The following C3orf70 variants were observed in gnomAD, a reference collection of about 807,000 sequenced individuals.
C3orf70 encodes chromosome 3 open reading frame 70.
C3orf70 carries 15 observed loss-of-function variants against 20.7 expected under a neutral mutation model. That is an observed-to-expected ratio of 0.72 (90% CI 0.48 to 1.11). The LOEUF (loss-of-function observed/expected upper bound fraction) is 1.11, where lower values mean the gene tolerates loss of function less well. Ranked by LOEUF, C3orf70 falls within the 50% of genes most tolerant of loss-of-function variation. C3orf70 has a pLI of 0.00. For synonymous variants in C3orf70, 161 were observed against 125.7 expected (o/e 1.28, Z -1.88); for missense variants, 332 against 317.6 (o/e 1.05, Z -0.34).
intron 1 of C3orf70, among the ~76,000 whole-genome samples, chr3:185,090,371 C>G (rs188538667): frequency 6.6e-6 from 1 of 152,158 alleles, no homozygotes; most frequent in Admixed American, 6.5e-5. Flanking sequence ...ATCAGTTGTA[C>G]GCTTTGATTC....
intron 1 of C3orf70, among the ~76,000 whole-genome samples, chr3:185,100,555 G>A (rs2108592320): frequency 6.6e-6 from 1 of 152,010 alleles, no homozygotes; most frequent in Non-Finnish European, 1.5e-5. Context: ...GTGTTAAGAG[G>A]GAAATGTATA....
intron 1 of C3orf70, among the ~76,000 whole-genome samples, chr3:185,139,798 T>C (rs1360108356): frequency 6.6e-6 from 1 of 152,172 alleles, no homozygotes; most frequent in Non-Finnish European, 1.5e-5. Flanking sequence ...TGAATTGTGA[T>C]CTAAGCCACA....
At chr3:185,121,372 AAAG>A (rs1473771210) in intron 1 of C3orf70, among the ~76,000 whole-genome samples, 2 of 152,122 alleles carry the variant, frequency 1.3e-5, no homozygotes, top group African/African-American at 2.4e-5. Flanking sequence ...AAAAAAAAAA[AAAG>A]AAGCATGATT....
intron 1 of C3orf70, among the ~76,000 whole-genome samples, chr3:185,124,601 G>A (rs898078884): frequency 1.3e-5 from 2 of 152,064 alleles, no homozygotes; most frequent in African/African-American, 4.8e-5. Flanking sequence ...GAACATATAG[G>A]AGAAAATCTT....
chr3:185,077,792 G>T lies in C3orf70; in HGVS notation c.*5215C>A, dbSNP rs527723891. Among the ~76,000 whole-genome samples the T allele has an allele frequency of 6.0e-4, 90 of 150,638 alleles. 1 individual carries two copies. Among genetic ancestry groups the T allele is most frequent in the Non-Finnish European group, 7.8e-4 (53 of 67,574 alleles). On this transcript the variant is annotated 3_prime_UTR_variant, in exon 2 of 2. Transcript: ENST00000335012. ...AATAAATGCTATTTGGTGGTGGTGGGGGGGGGGTATCAAGTTTTATTTGCT... is the reference window on the plus strand; with the variant it reads ...AATAAATGCTATTTGGTGGTGGTGGTGGGGGGGTATCAAGTTTTATTTGCT...
At position 185,077,786 on chromosome 3, in the gene C3orf70, T is replaced by TGGGG. The variant is rs757363358; in HGVS notation, c.*5220_*5221insCCCC. Among the ~76,000 whole-genome samples, 4 of 85,088 alleles carry TGGGG rather than the reference T, an allele frequency of 4.7e-5. No individual in the cohort carries two copies. Among genetic ancestry groups the TGGGG allele is most frequent in the African/African-American group, 5.7e-5 (1 of 17,672 alleles). The allele number at this position is 85,088 out of a possible 152,430, so 55.8% of individuals were successfully genotyped here. A position where few individuals can be genotyped will look rare whatever the true frequency, so the allele number is the denominator to read the frequency against. On this transcript the variant is annotated 3_prime_UTR_variant, in exon 2 of 2. Transcript: ENST00000335012. The stretch of plus-strand genomic sequence containing the variant: ...GTGTGAAATAAATGCTATTTGGTGG[T>TGGGG]GGTGGGGGGGGGGTATCAAGTTTTA...
intron 1 of C3orf70, among the ~76,000 whole-genome samples, chr3:185,117,849 C>T (rs1385318031): frequency 1.3e-5 from 2 of 152,170 alleles, no homozygotes; most frequent in African/African-American, 2.4e-5. Flanking sequence ...TACCCAAGAA[C>T]CTACATTTTC....
chr3:185,103,546 C>G (rs924541006), intron 1 of C3orf70, among the ~76,000 whole-genome samples: 1 of 151,698 alleles, frequency 6.6e-6, no homozygotes, highest in African/African-American at 2.4e-5. Flanking sequence ...TGAACAGACA[C>G]TTTTCAAAAG....
intron 1 of C3orf70, among the ~76,000 whole-genome samples, chr3:185,148,959 T>C (rs1716929558): frequency 6.6e-6 from 1 of 152,358 alleles, no homozygotes; most frequent in South Asian, 2.1e-4. Flanking sequence ...ATCAACCACA[T>C]AAAACTGAAC....
chr3:185,143,548 G>C (rs1384219385), intron 1 of C3orf70, among the ~76,000 whole-genome samples: 3 of 152,088 alleles, frequency 2.0e-5, no homozygotes, highest in African/African-American at 7.2e-5. Context: ...TGGCACTCCA[G>C]ATATTACACA....
At chr3:185,120,852 T>C (rs1477003884) in intron 1 of C3orf70, among the ~76,000 whole-genome samples, 4 of 151,776 alleles carry the variant, frequency 2.6e-5, no homozygotes, top group Admixed American at 2.0e-4. Context: ...AGTAGAACTA[T>C]CATTTGATCC....
At chr3:185,152,278 C>T (rs1717002279) in intron 1 of C3orf70, among the ~76,000 whole-genome samples, 1 of 152,214 alleles carries the variant, frequency 6.6e-6, no homozygotes, top group African/African-American at 2.4e-5. Flanking sequence ...CTGGCTCGCT[C>T]CCATTTCTCA....
intron 1 of C3orf70, among the ~76,000 whole-genome samples, chr3:185,147,317 A>AT (rs1300009451): frequency 2.0e-5 from 3 of 152,178 alleles, no homozygotes; most frequent in African/African-American, 7.2e-5. Context: ...CCCACCTGTC[A>AT]CCTTCTAATT....
chr3:185,110,467 C>T (rs1302529237), intron 1 of C3orf70, among the ~76,000 whole-genome samples: 8 of 152,118 alleles, frequency 5.3e-5, no homozygotes, highest in African/African-American at 1.4e-4. Flanking sequence ...CTGACTCCTG[C>T]GAGAAGTAGC....
chr3:185,137,196 T>C (rs1441602953), intron 1 of C3orf70, among the ~76,000 whole-genome samples: 1 of 151,978 alleles, frequency 6.6e-6, no homozygotes, highest in Non-Finnish European at 1.5e-5. Flanking sequence ...GCTCCTCTCG[T>C]TGTCCACCGC....
rs1715346273 is a variant in C3orf70 at position 185,081,885 on chromosome 3, A to G, written c.*1122T>C. The G allele has an allele frequency of 6.5e-6, 1 of 152,758 alleles. No individual in the cohort carries two copies. The highest frequency in any genetic ancestry group is 2.4e-5 in the African/African-American group (1 of 41,578). 9.5% of individuals were successfully genotyped at this position (152,758 alleles called of 1,614,324 possible). ...GAATTCTAATCCATTCCTCACTTAA[A>G]CCATACGAATGCTTCATACAACCAA... On this transcript the variant is annotated 3_prime_UTR_variant, in exon 2 of 2. Transcript: ENST00000335012.
At chr3:185,125,749 G>T (rs1357133132) in intron 1 of C3orf70, among the ~76,000 whole-genome samples, 1 of 152,216 alleles carries the variant, frequency 6.6e-6, no homozygotes, top group East Asian at 1.9e-4. Flanking sequence ...CATGCTACAC[G>T]ATTCCATTTA....
intron 1 of C3orf70, among the ~76,000 whole-genome samples, chr3:185,134,028 G>A (rs1716572963): frequency 6.6e-6 from 1 of 151,704 alleles, no homozygotes; most frequent in African/African-American, 2.4e-5. Flanking sequence ...GTTCAAGGCT[G>A]CAGTGAGCTA....
At chr3:185,103,850 G>A (rs1180395191) in intron 1 of C3orf70, among the ~76,000 whole-genome samples, 1 of 152,162 alleles carries the variant, frequency 6.6e-6, no homozygotes, top group Non-Finnish European at 1.5e-5. Flanking sequence ...TGGGCTCCCA[G>A]GAAAAAGGCT....
Sources: gnomAD v4.1 joint callset for allele counts (sites outside exome capture counted in the v4.1 genomes callset) on GRCh38, gnomAD v4.1.1 for gene constraint, MANE v1.5 for transcripts, NCBI Gene and HGNC (gene_info 2026-07-23, HGNC 2026-07-21) for gene names.